MINDY2: variants seen among roughly 807,000 people sequenced by gnomAD.
MINDY2 encodes MINDY lysine 48 deubiquitinase 2.
A neutral mutation model predicts 68.2 loss-of-function variants in MINDY2; 52 were observed. That is an observed-to-expected ratio of 0.76 (90% CI 0.61 to 0.96). The LOEUF (loss-of-function observed/expected upper bound fraction) is 0.96. Among genes scored for constraint, MINDY2 ranks in the 40% least tolerant of loss-of-function variants. MINDY2 has a pLI of 0.00. For synonymous variants in MINDY2, 372 were observed against 303.0 expected, an observed-to-expected ratio of 1.23 and a Z score of -2.36; for missense variants, 881 against 773.4, an observed-to-expected ratio of 1.14 and a Z score of -1.65.
chr15:58,819,457 A>G (rs2030918817), intron 4 of MINDY2, among the ~76,000 whole-genome samples: 1 of 152,064 alleles, frequency 6.6e-6, no homozygotes, highest in African/African-American at 2.4e-5. Context: ...ACACCACTGC[A>G]CTCCAGCGTG....
intron 3 of MINDY2, among the ~76,000 whole-genome samples, chr15:58,806,173 A>C (rs1421151564): frequency 6.6e-6 from 1 of 152,134 alleles, no homozygotes; most frequent in Non-Finnish European, 1.5e-5. Context: ...TTTCAGGTTC[A>C]AGAGATTCTC....
chr15:58,772,519 T>G lies in MINDY2; in HGVS notation c.840+284T>G, dbSNP rs117320945. On this transcript the variant is annotated intron_variant, in intron 1 of 8. Transcript: ENST00000559228. The stretch of plus-strand genomic sequence containing the variant: ...AGAAGGACTTAGAGCATCTTAAATC[T>G]TATGATTATTTTAAACTATAATTTC... Among the ~76,000 whole-genome samples, 999 of 152,350 alleles carry G rather than the reference T, an allele frequency of 6.6e-3. 8 individuals are homozygous for G. The highest frequency in any genetic ancestry group is 9.4e-3 in the Non-Finnish European group (641 of 68,030).
At chr15:58,801,574 A>G (rs1295099089) in intron 2 of MINDY2, among the ~76,000 whole-genome samples, 1 of 152,170 alleles carries the variant, frequency 6.6e-6, no homozygotes, top group African/African-American at 2.4e-5. Flanking sequence ...AAAAGGTTAT[A>G]CATATATTTA....
Position 58,842,564 on chromosome 15 carries a change from A to G in MINDY2, c.1369-4733A>G, listed in dbSNP as rs1008204779. Among the ~76,000 whole-genome samples the G allele has an allele frequency of 2.0e-5, 3 of 152,296 alleles. No homozygotes were observed. The South Asian group carries it at 6.2e-4, about 32-fold the overall frequency. ...TTTTTAAATTAAAAGGGGAGGGGGC[A>G]GAATTTGGAAACTGGAATAAGGAAA... On this transcript the variant is annotated intron_variant, in intron 6 of 8. Coordinates refer to ENST00000559228, the MANE Select transcript of MINDY2 (RefSeq NM_001040450.3).
chr15:58,827,175 T>C (rs1451976073), intron 5 of MINDY2, among the ~76,000 whole-genome samples: 1 of 152,242 alleles, frequency 6.6e-6, no homozygotes, highest in Non-Finnish European at 1.5e-5. Flanking sequence ...GATAAGATAA[T>C]ATCTGCCAGG....
rs560524249 is a variant in MINDY2 at position 58,804,118 on chromosome 15, AAAG to A, written c.963+1742_963+1744del. Among the ~76,000 whole-genome samples, 41 of 152,076 alleles carry A rather than the reference AAAG, an allele frequency of 2.7e-4. No homozygotes were observed. In the South Asian group the frequency reaches 6.2e-3, roughly 23 times the overall value. On this transcript the variant is annotated intron_variant, in intron 3 of 8. Transcript: ENST00000559228. ...CACTCCAGCCGGGGCGACAAAAAAA[AAAG>A]GAGGAGGAGGAGAAGGAAAAGAAAG...
rs2032837928 is a variant in MINDY2 at position 58,851,975 on chromosome 15, A to G, written c.1737+10A>G. 3 of 1,564,432 alleles carry G rather than the reference A, an allele frequency of 1.9e-6. No homozygotes were observed. Among genetic ancestry groups the G allele is most frequent in the Non-Finnish European group, 2.6e-6 (3 of 1,161,604 alleles). ...TTCTACACAGGCTCAGGTAAAAACT[A>G]GTGTTTTGAGTCTTAAATGTGATGA... is the stretch of plus-strand genomic sequence containing the variant. On this transcript the variant is annotated intron_variant, in intron 8 of 8. Coordinates refer to ENST00000559228, the MANE Select transcript of MINDY2 (RefSeq NM_001040450.3).
At position 58,831,761 on chromosome 15, in the gene MINDY2, A is replaced by C; in HGVS notation, c.1226-13A>C. On this transcript the variant is annotated splice_polypyrimidine_tract_variant and intron_variant, in intron 5 of 8. Coordinates refer to ENST00000559228, the MANE Select transcript of MINDY2 (RefSeq NM_001040450.3). ...ATTATTCTTCTATCTAATGTTATGC[A>C]TTGGTTCTATAGGCTTTGTAGCTGA... 1 of 1,602,048 alleles carries C rather than the reference A, an allele frequency of 6.2e-7. No homozygotes were observed.
In MINDY2 at chr15:58,852,922, GTTTTTTTTTTTTTTTTTTTTTTTTTTTTT is replaced by G. The variant is rs746154698; in HGVS notation, c.1737+977_1737+1005del. 5.7e-3 allele frequency among the ~76,000 whole-genome samples: 277 copies of G among 48,966 alleles called. 1 individual carries two copies. The highest frequency in any genetic ancestry group is 7.8e-3 in the Non-Finnish European group (193 of 24,872). The allele number at this position is 48,966 out of a possible 152,430, so 32.1% of individuals were successfully genotyped here. On this transcript the variant is annotated intron_variant, in intron 8 of 8. Transcript: ENST00000559228. ...TATACCATGCCAGACTGCTGTTCCT[GTTTTTTTTTTTTTTTTTTTTTTTTTTTTT>G]TTTTTTTTTTTTTTTTTTTAAGACA... is the stretch of plus-strand genomic sequence containing the variant.
At chr15:58,799,388 A>G (rs1289587774) in intron 2 of MINDY2, among the ~76,000 whole-genome samples, 1 of 152,156 alleles carries the variant, frequency 6.6e-6, no homozygotes, top group Non-Finnish European at 1.5e-5. Flanking sequence ...TAACACAGTG[A>G]AACCCTGTCT....
At chr15:58,787,140 CTTTTTT>C (rs58374538) in intron 1 of MINDY2, among the ~76,000 whole-genome samples, 5 of 78,150 alleles carry the variant, frequency 6.4e-5, no homozygotes, top group Non-Finnish European at 1.1e-4. Flanking sequence ...CATTTCTTTA[CTTTTTT>C]TTTTTTTTTT....
At chr15:58,810,633 C>T (rs961139964) in intron 4 of MINDY2, among the ~76,000 whole-genome samples, 25 of 152,084 alleles carry the variant, frequency 1.6e-4, no homozygotes, top group African/African-American at 6.0e-4. Context: ...GAAGACCACC[C>T]GTACTTCTCA....
At chr15:58,819,122 G>C (rs1237276910) in intron 4 of MINDY2, among the ~76,000 whole-genome samples, 2 of 152,102 alleles carry the variant, frequency 1.3e-5, no homozygotes, top group Non-Finnish European at 2.9e-5. Flanking sequence ...GACTATGGAC[G>C]TGCACCACCA....
chr15:58,848,388 G>A (rs1053863825), intron 7 of MINDY2, among the ~76,000 whole-genome samples: 9 of 152,088 alleles, frequency 5.9e-5, no homozygotes, highest in Non-Finnish European at 4.4e-5. Context: ...GCAGATATTT[G>A]ACCAACTCAT....
chr15:58,771,907 C>G lies in MINDY2; in HGVS notation c.512C>G (p.Pro171Arg). 9 of 1,555,616 alleles carry G rather than the reference C, an allele frequency of 5.8e-6. No homozygotes were observed. The highest frequency in any genetic ancestry group is 7.8e-6 in the Non-Finnish European group (9 of 1,152,792). ...GACCCGAGCCCTCCTGGGGAATCTC[C>G]GAGCCTGGACTCTCTGGAGTCGTTC... ...CSDPSPPGES[P>R]SLDSLESFSN... The change falls in exon 1 of 9, where the codon CCG (proline) becomes CGG (arginine). Residue 171 changes from proline to arginine, a missense_variant. Coordinates refer to ENST00000559228, the MANE Select transcript of MINDY2 (RefSeq NM_001040450.3).
At chr15:58,796,382 A>G (rs1016122241) in intron 2 of MINDY2, among the ~76,000 whole-genome samples, 5 of 152,196 alleles carry the variant, frequency 3.3e-5, no homozygotes, top group Admixed American at 1.3e-4. Context: ...TGCATGTTGT[A>G]TAGTTAGAGA....
intron 2 of MINDY2, among the ~76,000 whole-genome samples, chr15:58,791,815 A>G (rs1184719748): frequency 6.6e-6 from 1 of 152,058 alleles, no homozygotes; most frequent in African/African-American, 2.4e-5. Flanking sequence ...TATAAACAGT[A>G]GTTAGATTGG....
chr15:58,791,218 T>TATATATATATATATATATATAC (rs1901878257), intron 2 of MINDY2, among the ~76,000 whole-genome samples: 2 of 16,278 alleles, frequency 1.2e-4, no homozygotes, highest in South Asian at 3.4e-3. Flanking sequence ...AGCAATTTTA[T>TATATATATATATATATATATAC]ATATATATAT....
chr15:58,803,255 A>G (rs2140956846), intron 3 of MINDY2, among the ~76,000 whole-genome samples: 1 of 145,704 alleles, frequency 6.9e-6, no homozygotes, highest in South Asian at 2.2e-4. Context: ...TCACGAAGTC[A>G]GGAGATGGAG....
Sources: gnomAD v4.1 joint callset for allele counts (sites outside exome capture counted in the v4.1 genomes callset) on GRCh38, gnomAD v4.1.1 for gene constraint, MANE v1.5 for transcripts, NCBI Gene and HGNC (gene_info 2026-07-23, HGNC 2026-07-21) for gene names.